RBFOX1: variants seen among roughly 807,000 people sequenced by gnomAD.
RBFOX1 encodes the protein RNA binding fox-1 homolog 1, also known as RNA binding protein fox-1 homolog 1.
RBFOX1 carries 8 observed loss-of-function variants against 57.7 expected under a neutral mutation model. The ratio of observed to expected loss-of-function variants is 0.14; its 90% CI spans 0.08 to 0.25. The LOEUF (loss-of-function observed/expected upper bound fraction) is 0.25. Ranked by LOEUF, RBFOX1 falls within the 10% of genes least tolerant of loss-of-function variation. The pLI is 1.00. For missense variants in RBFOX1, 611 were observed against 548.5 expected, an observed-to-expected ratio of 1.11 and a Z score of -1.14; for synonymous variants, 326 against 222.4, an observed-to-expected ratio of 1.47 and a Z score of -4.15.
intron 1 of RBFOX1, among the ~76,000 whole-genome samples, chr16:5,410,899 C>T (rs1052067508): frequency 6.6e-6 from 1 of 152,220 alleles, no homozygotes; most frequent in Non-Finnish European, 1.5e-5. Flanking sequence ...TGGGAAACCA[C>T]TTGTACTCTT....
chr16:7,628,019 G>A (rs765067792), intron 10 of RBFOX1, among the ~76,000 whole-genome samples: 8 of 151,682 alleles, frequency 5.3e-5, no homozygotes, highest in African/African-American at 1.2e-4. Flanking sequence ...TCATTATGCC[G>A]TGCCAGAGGT....
intron 2 of RBFOX1, among the ~76,000 whole-genome samples, chr16:6,462,811 T>C (rs981064823): frequency 1.3e-5 from 2 of 149,248 alleles, no homozygotes; most frequent in Non-Finnish European, 3.0e-5. Flanking sequence ...AGTATACACA[T>C]GGCACATTGT....
At chr16:6,471,665 C>T (rs147990268) in intron 2 of RBFOX1, among the ~76,000 whole-genome samples, 2 of 151,910 alleles carry the variant, frequency 1.3e-5, no homozygotes, top group Non-Finnish European at 2.9e-5. Flanking sequence ...ACAGGCTGGC[C>T]CACCAGCTAT....
chr16:5,346,186 C>T (rs529385667), intron 1 of RBFOX1, among the ~76,000 whole-genome samples: 6 of 152,062 alleles, frequency 3.9e-5, no homozygotes, highest in Admixed American at 2.0e-4. Context: ...GATCCTACAG[C>T]GGACCCTTAC....
chr16:7,384,529 C>T (rs1217596731), intron 4 of RBFOX1, among the ~76,000 whole-genome samples: 1 of 152,148 alleles, frequency 6.6e-6, no homozygotes, highest in Non-Finnish European at 1.5e-5. Context: ...ACTCTGGCTA[C>T]AGAATCTTGG....
At chr16:6,755,769 C>T (rs921514423) in intron 3 of RBFOX1, among the ~76,000 whole-genome samples, 4 of 152,156 alleles carry the variant, frequency 2.6e-5, no homozygotes, top group African/African-American at 4.8e-5. Flanking sequence ...CTTTGGCCTT[C>T]TTTTTTCTTC....
At chr16:5,621,255 G>A (rs996421300) in intron 3 of RBFOX1, among the ~76,000 whole-genome samples, 3 of 152,192 alleles carry the variant, frequency 2.0e-5, no homozygotes, top group African/African-American at 7.2e-5. Context: ...GGGATAACAG[G>A]CATGAGCCAC....
chr16:5,841,131 G>T (rs781139311), intron 3 of RBFOX1, among the ~76,000 whole-genome samples: 1 of 152,084 alleles, frequency 6.6e-6, no homozygotes, highest in Non-Finnish European at 1.5e-5. Context: ...CTGGCATTGC[G>T]TCAAACATTT....
intron 3 of RBFOX1, among the ~76,000 whole-genome samples, chr16:6,998,394 C>G (rs1477269986): frequency 1.3e-5 from 2 of 152,016 alleles, no homozygotes; most frequent in Non-Finnish European, 2.9e-5. Context: ...GAAAACTAAT[C>G]TGAAGGGGGC....
chr16:6,983,898 C>G (rs974639889), intron 3 of RBFOX1, among the ~76,000 whole-genome samples: 2 of 152,072 alleles, frequency 1.3e-5, no homozygotes, highest in Non-Finnish European at 2.9e-5. Context: ...TTGTGTGACT[C>G]TTAGCATGTA....
At chr16:6,637,149 T>C (rs1377808922) in intron 2 of RBFOX1, among the ~76,000 whole-genome samples, 1 of 92,334 alleles carries the variant, frequency 1.1e-5, no homozygotes, top group Non-Finnish European at 1.9e-5. Flanking sequence ...ATATATAATA[T>C]ACAATATATA....
At chr16:7,626,194 C>G (rs1260287915) in intron 10 of RBFOX1, among the ~76,000 whole-genome samples, 1 of 152,214 alleles carries the variant, frequency 6.6e-6, no homozygotes, top group Admixed American at 6.5e-5. Flanking sequence ...CAGTTTTCCT[C>G]ACTTAGGGGG....
At chr16:6,189,755 A>G (rs759724462) in intron 1 of RBFOX1, among the ~76,000 whole-genome samples, 1 of 152,174 alleles carries the variant, frequency 6.6e-6, no homozygotes, top group African/African-American at 2.4e-5. Context: ...AACAAGTAAT[A>G]TATGATATTT....
intron 4 of RBFOX1, among the ~76,000 whole-genome samples, chr16:7,430,119 C>G (rs947151693): frequency 6.6e-6 from 1 of 152,278 alleles, no homozygotes; most frequent in African/African-American, 2.4e-5. Flanking sequence ...ACTTTCTTGC[C>G]ACTAAGTCTA....
At chr16:6,960,632 C>T (rs1463230765) in intron 3 of RBFOX1, among the ~76,000 whole-genome samples, 1 of 152,022 alleles carries the variant, frequency 6.6e-6, no homozygotes, top group Admixed American at 6.6e-5. Flanking sequence ...CCTGCCTTCT[C>T]TCCTTCCTTC....
chr16:6,647,728 G>A (rs1036794288), intron 2 of RBFOX1, among the ~76,000 whole-genome samples: 1 of 152,124 alleles, frequency 6.6e-6, no homozygotes, highest in Non-Finnish European at 1.5e-5. Flanking sequence ...TCTGGGATGA[G>A]GTGTGATGTG....
chr16:5,719,465 C>T (rs1450300208), intron 3 of RBFOX1, among the ~76,000 whole-genome samples: 1 of 151,934 alleles, frequency 6.6e-6, no homozygotes, highest in Non-Finnish European at 1.5e-5. Flanking sequence ...CCACCTCGGC[C>T]TCCCAAAGTG....
chr16:6,874,065 T>C (rs1603635130), intron 3 of RBFOX1: 3 of 152,188 alleles, frequency 2.0e-5, no homozygotes, highest in Non-Finnish European at 4.4e-5. Context: ...AGTCATTATA[T>C]GAAAAAGACA....
At chr16:6,844,709 G>A (rs1273799529) in intron 3 of RBFOX1, among the ~76,000 whole-genome samples, 2 of 152,108 alleles carry the variant, frequency 1.3e-5, no homozygotes, top group Non-Finnish European at 2.9e-5. Context: ...GCCAGTAATT[G>A]GATTGTTGGG....
Sources: allele counts gnomAD v4.1 joint callset (sites outside exome capture counted in the v4.1 genomes callset), GRCh38; gene constraint gnomAD v4.1.1; transcripts MANE v1.5; gene names NCBI Gene and HGNC (gene_info 2026-07-23, HGNC 2026-07-21).